PLA2G4C: variants seen among roughly 807,000 people sequenced by gnomAD.
PLA2G4C encodes cytosolic phospholipase A2 gamma.
In PLA2G4C, 64 loss-of-function variants were observed where a neutral mutation model predicts 73.8. That is an observed-to-expected ratio of 0.87 (90% confidence interval 0.71 to 1.07). PLA2G4C has a LOEUF of 1.07. PLA2G4C is among the 50% of genes least tolerant of loss of function. PLA2G4C has a pLI of 0.00. For synonymous variants in PLA2G4C, 254 were observed against 252.1 expected (o/e 1.01, Z -0.07); for missense variants, 622 against 665.4 (o/e 0.93, Z 0.72).
chr19:48,063,819 T>A (rs1968298751), intron 13 of PLA2G4C: 1 of 151,416 alleles, frequency 6.6e-6, no homozygotes. Context: ...TACAATCTAT[T>A]CTCTCTGAAG....
chr19:48,110,494 T>G lies in PLA2G4C; in HGVS notation c.-40A>C. 1 of 1,258,996 alleles carries G rather than the reference T, an allele frequency of 7.9e-7. No homozygotes were observed. The highest frequency in any genetic ancestry group is 4.5e-5 in the African/African-American group (1 of 22,164). 78.0% of individuals were successfully genotyped at this position (1,258,996 alleles called of 1,614,324 possible). A position where few individuals can be genotyped will look rare whatever the true frequency, so the allele number is the denominator to read the frequency against. ...CCTGCCCCCACGGCTTGCCTGAGCCTGGGTCTGGGGCGTGTGCGCATGCGC... is the reference window on the plus strand; with the variant it reads ...CCTGCCCCCACGGCTTGCCTGAGCCGGGGTCTGGGGCGTGTGCGCATGCGC... On this transcript the variant is annotated 5_prime_UTR_variant, in exon 1 of 17. Coordinates refer to ENST00000599921, the MANE Select transcript of PLA2G4C (RefSeq NM_003706.3).
At chr19:48,089,095 T>A (rs407654) in intron 8 of PLA2G4C, among the ~76,000 whole-genome samples, 1 of 152,100 alleles carries the variant, frequency 6.6e-6, no homozygotes, top group Non-Finnish European at 1.5e-5. Context: ...CCCTTTTTAG[T>A]TTTGTTTTTA....
At chr19:48,096,122 G>C (rs2031553807) in intron 6 of PLA2G4C, among the ~76,000 whole-genome samples, 1 of 152,076 alleles carries the variant, frequency 6.6e-6, no homozygotes, top group Admixed American at 6.6e-5. Context: ...AGGAGACTGG[G>C]AGACCTGGTC....
At position 48,050,189 on chromosome 19, in the gene PLA2G4C, G is replaced by T. The variant is rs375649862; in HGVS notation, c.1581-1801C>A. Among the ~76,000 whole-genome samples, 4 of 152,210 alleles carry T rather than the reference G, an allele frequency of 2.6e-5. No homozygotes were observed. In the East Asian group the frequency reaches 7.7e-4, roughly 29 times the overall value. On this transcript the variant is annotated intron_variant, in intron 16 of 16. Transcript: ENST00000599921. ...CCCACCTCGGCCTCCCAAAGTGCTGGGATTACAGGTGTGAACCACCATGCC... is the reference window on the plus strand; with the variant it reads ...CCCACCTCGGCCTCCCAAAGTGCTGTGATTACAGGTGTGAACCACCATGCC...
chr19:48,067,281 C>T (rs1968467753), intron 13 of PLA2G4C, among the ~76,000 whole-genome samples: 1 of 151,908 alleles, frequency 6.6e-6, no homozygotes, highest in Non-Finnish European at 1.5e-5. Context: ...GATTCTCCTG[C>T]CTCAGCCTCC....
At chr19:48,094,236 C>CAG (rs2031457225) in intron 7 of PLA2G4C, among the ~76,000 whole-genome samples, 1 of 152,162 alleles carries the variant, frequency 6.6e-6, no homozygotes, top group Admixed American at 6.5e-5. Context: ...AGTCACTCTC[C>CAG]AGTCCCTTAC....
intron 16 of PLA2G4C, among the ~76,000 whole-genome samples, chr19:48,050,745 G>A (rs190525172): frequency 7.0e-6 from 1 of 142,020 alleles, no homozygotes; most frequent in East Asian, 2.1e-4. Flanking sequence ...TGTGATCTGG[G>A]CTCACTGCAA....
chr19:48,107,361 C>T (rs1185406589), intron 1 of PLA2G4C, among the ~76,000 whole-genome samples: 1 of 151,804 alleles, frequency 6.6e-6, no homozygotes, highest in Non-Finnish European at 1.5e-5. Context: ...AAAACAAAAA[C>T]AAAACGAAAC....
rs373351978 is a variant in PLA2G4C at position 48,061,943 on chromosome 19, C to T, written c.1257+55G>A. On this transcript the variant is annotated intron_variant, in intron 14 of 16. Coordinates refer to ENST00000599921, the MANE Select transcript of PLA2G4C (RefSeq NM_003706.3). ...GTCCTCAGTTCCTCCGCAAAGTCAGCTTCGCCGCAGCCCACCTCCCACCCA... is the reference window on the plus strand; with the variant it reads ...GTCCTCAGTTCCTCCGCAAAGTCAGTTTCGCCGCAGCCCACCTCCCACCCA... 2.7e-5 allele frequency: 43 copies of T among 1,583,192 alleles called. No homozygotes were observed. The East Asian group carries it at 7.7e-4, about 28-fold the overall frequency.
intron 10 of PLA2G4C, among the ~76,000 whole-genome samples, chr19:48,081,686 G>C (rs2030577615): frequency 6.6e-6 from 1 of 152,020 alleles, no homozygotes; most frequent in Non-Finnish European, 1.5e-5. Flanking sequence ...TTGAACCCAG[G>C]AGGTGGAGGT....
chr19:48,091,094 C>T (rs556464890), intron 7 of PLA2G4C, among the ~76,000 whole-genome samples: 18 of 151,978 alleles, frequency 1.2e-4, no homozygotes, highest in Non-Finnish European at 2.2e-4. Flanking sequence ...ACTTAATATG[C>T]TAAGGATGGA....
intron 13 of PLA2G4C, among the ~76,000 whole-genome samples, chr19:48,066,444 C>T (rs1372212125): frequency 6.6e-6 from 1 of 152,180 alleles, no homozygotes; most frequent in East Asian, 1.9e-4. Context: ...AGCTGCATGG[C>T]ATGGTGCGCA....
At chr19:48,100,353 C>T (rs1338334716) in intron 4 of PLA2G4C, among the ~76,000 whole-genome samples, 1 of 151,826 alleles carries the variant, frequency 6.6e-6, no homozygotes, top group Non-Finnish European at 1.5e-5. Context: ...CCCGTCTCCA[C>T]TAAAAATACA....
At chr19:48,099,097 CAA>C (rs11366693) in intron 5 of PLA2G4C, among the ~76,000 whole-genome samples, 3 of 146,592 alleles carry the variant, frequency 2.0e-5, no homozygotes, top group African/African-American at 5.0e-5. Context: ...CCTGTCTCTA[CAA>C]AAAAAAAAAT....
chr19:48,078,400 C>T (rs897198680), intron 10 of PLA2G4C, among the ~76,000 whole-genome samples: 1 of 152,188 alleles, frequency 6.6e-6, no homozygotes. Flanking sequence ...TGAAGGGTAT[C>T]CAAACCAGTA....
intron 15 of PLA2G4C, 36 bp downstream of exon 15, chr19:48,054,842 C>T: frequency 1.3e-6 from 2 of 1,592,656 alleles, no homozygotes; most frequent in Admixed American, 1.7e-5. Flanking sequence ...TGGACTAATA[C>T]AGGTGGCTTC....
chr19:48,053,217 C>A, intron 15 of PLA2G4C, 70 bp from the exon 16 acceptor site: 5 of 1,265,438 alleles, frequency 4.0e-6, no homozygotes, highest in Non-Finnish European at 5.5e-6. Flanking sequence ...AGATTTTTGT[C>A]TATTTACATC....
intron 15 of PLA2G4C, among the ~76,000 whole-genome samples, chr19:48,054,390 G>T (rs193245969): frequency 6.6e-6 from 1 of 152,000 alleles, no homozygotes; most frequent in African/African-American, 2.4e-5. Flanking sequence ...TGCAACCTCC[G>T]CCTCCCAGGT....
intron 6 of PLA2G4C, among the ~76,000 whole-genome samples, chr19:48,095,960 T>C (rs1420764840): frequency 1.3e-5 from 2 of 151,950 alleles, no homozygotes; most frequent in Non-Finnish European, 2.9e-5. Context: ...ATAAATCTAA[T>C]GCATGATTCC....
Sources: gnomAD v4.1 joint callset for allele counts (sites outside exome capture counted in the v4.1 genomes callset) on GRCh38, gnomAD v4.1.1 for gene constraint, MANE v1.5 for transcripts, NCBI Gene and HGNC (gene_info 2026-07-23, HGNC 2026-07-21) for gene names.